DPP10: variants seen among roughly 807,000 people sequenced by gnomAD.
The protein encoded by DPP10 is dipeptidyl peptidase like 10, also known as inactive dipeptidyl peptidase 10.
In DPP10, 33 loss-of-function variants were observed where a neutral mutation model predicts 120.9. The observed-to-expected ratio is 0.27, with a 90% CI of 0.21 to 0.37. DPP10 has a LOEUF of 0.37. DPP10 is among the 10% of genes least tolerant of loss of function. The pLI, the probability that DPP10 is intolerant of heterozygous loss-of-function variation, is 1.00. For synonymous variants in DPP10, 337 were observed against 326.1 expected (o/e 1.03, Z -0.36); for missense variants, 816 against 942.8 (o/e 0.87, Z 1.76).
At chr2:115,154,905 T>C (rs1416224150) in intron 1 of DPP10, among the ~76,000 whole-genome samples, 2 of 151,602 alleles carry the variant, frequency 1.3e-5, no homozygotes, top group African/African-American at 2.4e-5. Context: ...TTTTTTTTTT[T>C]TTTTGAGACA....
chr2:114,554,932 G>A (rs1437674920), intron 1 of DPP10, among the ~76,000 whole-genome samples: 1 of 152,226 alleles, frequency 6.6e-6, no homozygotes, highest in Non-Finnish European at 1.5e-5. Flanking sequence ...GAGAAGAGGG[G>A]AAGAGCCAGG....
intron 5 of DPP10, among the ~76,000 whole-genome samples, chr2:115,526,794 ACTG>A (rs2078159852): frequency 6.6e-6 from 1 of 152,106 alleles, no homozygotes; most frequent in Non-Finnish European, 1.5e-5. Context: ...GTTCGAAAGA[ACTG>A]CTATTTGATG....
intron 1 of DPP10, among the ~76,000 whole-genome samples, chr2:114,730,738 C>T (rs1388087334): frequency 6.6e-6 from 1 of 152,026 alleles, no homozygotes; most frequent in Non-Finnish European, 1.5e-5. Context: ...GGACTACCGA[C>T]ATGCACCACC....
At chr2:115,338,666 T>C (rs1427688766) in intron 2 of DPP10, among the ~76,000 whole-genome samples, 1 of 152,052 alleles carries the variant, frequency 6.6e-6, no homozygotes, top group Non-Finnish European at 1.5e-5. Context: ...AATAATTCAA[T>C]AGAATTAAAC....
At chr2:115,361,532 C>G (rs1204496314) in intron 3 of DPP10, among the ~76,000 whole-genome samples, 1 of 152,082 alleles carries the variant, frequency 6.6e-6, no homozygotes, top group Non-Finnish European at 1.5e-5. Context: ...CCTGCACCCC[C>G]TCATGCAAAA....
intron 1 of DPP10, among the ~76,000 whole-genome samples, chr2:115,262,514 A>G (rs937860037): frequency 1.3e-5 from 2 of 152,156 alleles, no homozygotes; most frequent in Non-Finnish European, 2.9e-5. Flanking sequence ...TAAAGCAAAT[A>G]TTGATTGTGA....
At chr2:115,140,524 T>C (rs1228571222) in intron 1 of DPP10, among the ~76,000 whole-genome samples, 1 of 152,222 alleles carries the variant, frequency 6.6e-6, no homozygotes, top group Admixed American at 6.5e-5. Flanking sequence ...TAGAGTGATG[T>C]GATCTGGTTT....
At chr2:115,389,278 A>AAACACAC (rs2067166702) in intron 3 of DPP10, among the ~76,000 whole-genome samples, 2 of 149,644 alleles carry the variant, frequency 1.3e-5, no homozygotes, top group African/African-American at 4.9e-5. Context: ...CACACACACA[A>AAACACAC]ACACACACAC....
intron 2 of DPP10, among the ~76,000 whole-genome samples, chr2:115,314,133 G>T (rs541233137): frequency 6.6e-6 from 1 of 152,204 alleles, no homozygotes; most frequent in East Asian, 1.9e-4. Flanking sequence ...ACCAATTTTG[G>T]CCTGTTTTAA....
intron 1 of DPP10, among the ~76,000 whole-genome samples, chr2:114,606,227 A>G (rs1253738572): frequency 6.6e-6 from 1 of 152,180 alleles, no homozygotes; most frequent in African/African-American, 2.4e-5. Flanking sequence ...GAAACAGGAT[A>G]TACTTGAAGG....
At chr2:114,681,689 A>G (rs1020230120) in intron 1 of DPP10, among the ~76,000 whole-genome samples, 1 of 152,024 alleles carries the variant, frequency 6.6e-6, no homozygotes, top group Non-Finnish European at 1.5e-5. Flanking sequence ...AATACATTTT[A>G]CAAAGCCGGT....
intron 1 of DPP10, among the ~76,000 whole-genome samples, chr2:114,535,975 C>G (rs1686450627): frequency 6.6e-6 from 1 of 152,072 alleles, no homozygotes; most frequent in Non-Finnish European, 1.5e-5. Flanking sequence ...ACATGCTGCT[C>G]TCTCTGCTTG....
chr2:115,419,465 GA>G (rs768280000), intron 3 of DPP10, among the ~76,000 whole-genome samples: 9 of 152,034 alleles, frequency 5.9e-5, no homozygotes, highest in Non-Finnish European at 1.3e-4. Context: ...TTTATAACCT[GA>G]TTTCTAATGA....
intron 1 of DPP10, among the ~76,000 whole-genome samples, chr2:114,572,052 C>G (rs989889726): frequency 3.2e-4 from 48 of 150,384 alleles, no homozygotes; most frequent in African/African-American, 1.2e-3. Flanking sequence ...ATACAGTATA[C>G]ATATTGTATT....
intron 5 of DPP10, among the ~76,000 whole-genome samples, chr2:115,628,372 T>C (rs765231615): frequency 2.6e-5 from 4 of 152,152 alleles, no homozygotes; most frequent in Non-Finnish European, 5.9e-5. Flanking sequence ...TTGTTTGTTT[T>C]GTTTCTTGTA....
At chr2:115,326,551 C>A (rs182621495) in intron 2 of DPP10, among the ~76,000 whole-genome samples, 32 of 151,876 alleles carry the variant, frequency 2.1e-4, no homozygotes, top group Admixed American at 2.0e-3. Context: ...AGGAGGTATT[C>A]CAGAAGAAGG....
chr2:114,576,487 T>A (rs569535702), intron 1 of DPP10, among the ~76,000 whole-genome samples: 1 of 152,284 alleles, frequency 6.6e-6, no homozygotes, highest in South Asian at 2.1e-4. Context: ...AGCCTGGGGA[T>A]GGGGTGAACA....
intron 1 of DPP10, among the ~76,000 whole-genome samples, chr2:115,199,414 G>A (rs887225373): frequency 2.0e-5 from 3 of 151,834 alleles, no homozygotes; most frequent in South Asian, 2.1e-4. Flanking sequence ...TTAAGCACTC[G>A]GCATGAAATA....
chr2:115,836,913 A>G (rs1689598072), intron 24 of DPP10, among the ~76,000 whole-genome samples, 167 bp downstream of exon 24: 1 of 152,180 alleles, frequency 6.6e-6, no homozygotes, highest in African/African-American at 2.4e-5. Flanking sequence ...GAATTCAGAG[A>G]TAAGAGGAGA....
Sources: gnomAD v4.1 joint callset for allele counts (sites outside exome capture counted in the v4.1 genomes callset) on GRCh38, gnomAD v4.1.1 for gene constraint, MANE v1.5 for transcripts, NCBI Gene and HGNC (gene_info 2026-07-23, HGNC 2026-07-21) for gene names.